Variants in BICRAL observed in about 807,000 individuals in gnomAD.
The protein encoded by BICRAL is BRD4-interacting chromatin-remodeling complex-associated protein-like.
BICRAL carries 8 observed loss-of-function variants against 91.8 expected under a neutral mutation model. The observed-to-expected ratio is 0.09, with a 90% CI of 0.05 to 0.16. BICRAL has a LOEUF of 0.16. Among genes scored for constraint, BICRAL ranks in the 10% least tolerant of loss-of-function variants. The pLI is 1.00. For missense variants in BICRAL, 1,038 were observed against 1,310.9 expected, an observed-to-expected ratio of 0.79 and a Z score of 3.21; for synonymous variants, 445 against 491.1, an observed-to-expected ratio of 0.91 and a Z score of 1.24.
chr6:42,817,982 A>AAT, intron 2 of BICRAL, among the ~76,000 whole-genome samples: 1 of 151,710 alleles, frequency 6.6e-6, no homozygotes, highest in Non-Finnish European at 1.5e-5. Context: ...AAAAAAAAAA[A>AAT]AAAAGTGAGT....
intron 1 of BICRAL, among the ~76,000 whole-genome samples, chr6:42,765,874 G>A (rs1290069724): frequency 6.6e-6 from 1 of 152,146 alleles, no homozygotes; most frequent in Non-Finnish European, 1.5e-5. Flanking sequence ...GCCTGTGGAA[G>A]ATAGAAACTT....
At chr6:42,747,614 A>G (rs1762300367) in intron 1 of BICRAL, among the ~76,000 whole-genome samples, 1 of 152,182 alleles carries the variant, frequency 6.6e-6, no homozygotes, top group African/African-American at 2.4e-5. Context: ...ACCGTGTGGC[A>G]GATTCCCCGC....
chr6:42,828,467 A>T, intron 5 of BICRAL, 26 bp from the exon 6 acceptor site: 1 of 1,571,216 alleles, frequency 6.4e-7, no homozygotes, highest in Non-Finnish European at 8.6e-7. Context: ...TACATATGCC[A>T]TGTAACATAC....
At chr6:42,787,769 C>T (rs1582817832) in intron 1 of BICRAL, among the ~76,000 whole-genome samples, 4 of 151,790 alleles carry the variant, frequency 2.6e-5, no homozygotes, top group Non-Finnish European at 4.4e-5. Context: ...TGGGATGCTT[C>T]GAAGAGAGAA....
chr6:42,839,375 G>T (rs1482170560), intron 6 of BICRAL, among the ~76,000 whole-genome samples: 1 of 151,920 alleles, frequency 6.6e-6, no homozygotes, highest in Non-Finnish European at 1.5e-5. Context: ...AACTCCTGGG[G>T]TCAAGCGATC....
chr6:42,819,631 G>T (rs1287292855), intron 2 of BICRAL, among the ~76,000 whole-genome samples: 1 of 152,094 alleles, frequency 6.6e-6, no homozygotes, highest in Non-Finnish European at 1.5e-5. Flanking sequence ...ATTTTGCTCT[G>T]GTAAATTTAC....
chr6:42,783,796 C>T (rs1296537563), intron 1 of BICRAL, among the ~76,000 whole-genome samples: 2 of 152,224 alleles, frequency 1.3e-5, no homozygotes, highest in Non-Finnish European at 2.9e-5. Context: ...TCCCTGACCC[C>T]GCACCCCCAC....
chr6:42,863,036 C>T (rs1765600708), intron 12 of BICRAL, among the ~76,000 whole-genome samples: 1 of 151,236 alleles, frequency 6.6e-6, no homozygotes, highest in Non-Finnish European at 1.5e-5. Flanking sequence ...GTTCTAAATC[C>T]TCATGGACAT....
chr6:42,774,179 G>A (rs925902501), intron 1 of BICRAL, among the ~76,000 whole-genome samples: 3 of 152,182 alleles, frequency 2.0e-5, no homozygotes, highest in Non-Finnish European at 4.4e-5. Flanking sequence ...TGGAGGAGGA[G>A]AGGTCAGAGA....
At chr6:42,804,014 G>GTGTT (rs758257021) in intron 1 of BICRAL, among the ~76,000 whole-genome samples, 82 of 151,154 alleles carry the variant, frequency 5.4e-4, no homozygotes, top group African/African-American at 1.5e-3. Flanking sequence ...TATTGTTGTT[G>GTGTT]TGTTTGTTTG....
chr6:42,759,079 G>A (rs1299966882), intron 1 of BICRAL, among the ~76,000 whole-genome samples: 2 of 152,184 alleles, frequency 1.3e-5, no homozygotes, highest in Non-Finnish European at 2.9e-5. Context: ...CTCTGGGAGT[G>A]GGGCCTTGGC....
intron 1 of BICRAL, among the ~76,000 whole-genome samples, chr6:42,798,380 GA>G (rs898257524): frequency 8.8e-6 from 1 of 113,714 alleles, no homozygotes; most frequent in Non-Finnish European, 1.7e-5. Flanking sequence ...ACTAGAAAAA[GA>G]AAAAAAATTT....
chr6:42,858,070 G>A lies in BICRAL; in HGVS notation c.2254+834G>A, dbSNP rs548834542. On this transcript the variant is annotated intron_variant, in intron 10 of 12. Coordinates refer to ENST00000314073, the MANE Select transcript of BICRAL (RefSeq NM_001393499.1). ...AGGTGATTGGCCCGCCTCAGCCTCCGGAAGTGCTGGGATTATAGGCATGAG... is the reference window on the plus strand; with the variant it reads ...AGGTGATTGGCCCGCCTCAGCCTCCAGAAGTGCTGGGATTATAGGCATGAG... Among the ~76,000 whole-genome samples the A allele has an allele frequency of 2.8e-4, 41 of 148,558 alleles. No homozygotes were observed. In the South Asian group the frequency reaches 3.6e-3, roughly 13 times the overall value.
chr6:42,852,121 C>T lies in BICRAL; in HGVS notation c.1869C>T (p.Ser623=). 6.2e-7 allele frequency: 1 copy of T among 1,610,980 alleles called. No individual in the cohort carries two copies. Among genetic ancestry groups the T allele is most frequent in the South Asian group, 1.1e-5 (1 of 90,992 alleles). The change falls in exon 7 of 13, where the codon TCC becomes TCT. Residue 623 remains serine, a synonymous_variant. Transcript: ENST00000314073. The part of the protein sequence containing the change: ...QAQKKCLNQT[S]PISAPKTTDG... ...AGAAAAAATGTCTGAATCAGACTTC[C>T]CCCATTTCTGCTCCCAAGACCACAG...
intron 1 of BICRAL, among the ~76,000 whole-genome samples, chr6:42,793,965 A>G (rs1463466549): frequency 2.2e-5 from 3 of 138,712 alleles, no homozygotes; most frequent in Admixed American, 7.0e-5. Flanking sequence ...CCTGGACAAG[A>G]TGACATTTTT....
chr6:42,839,680 T>C (rs1401104044), intron 6 of BICRAL, among the ~76,000 whole-genome samples: 3 of 152,336 alleles, frequency 2.0e-5, no homozygotes, highest in East Asian at 1.9e-4. Context: ...AGAGATCATG[T>C]ATTCTTTCTG....
At chr6:42,782,536 G>T (rs1050085129) in intron 1 of BICRAL, among the ~76,000 whole-genome samples, 2 of 150,518 alleles carry the variant, frequency 1.3e-5, no homozygotes, top group African/African-American at 4.9e-5. Flanking sequence ...CCTCGGCGGG[G>T]TGGGGGCCCG....
At chr6:42,852,057 G>A (rs1443676120) in intron 6 of BICRAL, 35 bp from the exon 7 acceptor site, 3 of 1,250,756 alleles carry the variant, frequency 2.4e-6, no homozygotes, top group African/African-American at 3.0e-5. Flanking sequence ...CTTTAGAAAT[G>A]AAATTAATGT....
At chr6:42,834,284 A>C (rs1253019140) in intron 6 of BICRAL, among the ~76,000 whole-genome samples, 1 of 152,332 alleles carries the variant, frequency 6.6e-6, no homozygotes, top group African/African-American at 2.4e-5. Context: ...ATTGCTGGTG[A>C]TCTCACCTTG....
Sources: allele counts gnomAD v4.1 joint callset (sites outside exome capture counted in the v4.1 genomes callset), GRCh38; gene constraint gnomAD v4.1.1; transcripts MANE v1.5; gene names NCBI Gene and HGNC (gene_info 2026-07-23, HGNC 2026-07-21).